The following VPS26B variants were observed in gnomAD, a reference collection of about 807,000 sequenced individuals.
The protein encoded by VPS26B is VPS26 retromer complex component B, also known as vacuolar protein sorting-associated protein 26B.
In VPS26B, 10 loss-of-function variants were observed where a neutral mutation model predicts 33.3. The observed-to-expected ratio is 0.30, with a 90% CI of 0.19 to 0.51. The LOEUF (loss-of-function observed/expected upper bound fraction) is 0.51, where lower values mean the gene tolerates loss of function less well. Among genes scored for constraint, VPS26B ranks in the 20% least tolerant of loss-of-function variants. The pLI is 0.98. For missense variants in VPS26B, 317 were observed against 452.7 expected, an observed-to-expected ratio of 0.70 and a Z score of 2.72; for synonymous variants, 190 against 176.9, an observed-to-expected ratio of 1.07 and a Z score of -0.59.
Position 134,243,218 on chromosome 11 carries a change from G to A in VPS26B, c.645G>A (p.Thr215=), listed in dbSNP as rs543525027. 8.1e-6 allele frequency: 13 copies of A among 1,614,092 alleles called. No individual in the cohort carries two copies. Among genetic ancestry groups the A allele is most frequent in the South Asian group, 4.4e-5 (4 of 91,076 alleles). The change falls in exon 4 of 6, where the codon ACG becomes ACA. Residue 215 remains threonine, a synonymous_variant. Coordinates refer to ENST00000281187, the MANE Select transcript of VPS26B (RefSeq NM_052875.5). The part of the protein sequence containing the change: ...MEIDIIKRET[T]GTGPNVYHEN... ...TAGACATCATCAAGCGAGAAACGAC[G>A]GGTACAGGCCCCAACGTGTACCATG... is the stretch of plus-strand genomic sequence containing the variant.
chr11:134,236,283 C>G (rs1938631599), intron 2 of VPS26B: 1 of 152,164 alleles, frequency 6.6e-6, no homozygotes, highest in Non-Finnish European at 1.5e-5. Context: ...CGAGGATCAT[C>G]TAGTCATCAC....
intron 1 of VPS26B, among the ~76,000 whole-genome samples, chr11:134,228,063 C>T (rs1293223361): frequency 2.0e-5 from 3 of 152,210 alleles, no homozygotes; most frequent in Admixed American, 6.5e-5. Context: ...TCCATGGTTA[C>T]GTGAGGACAT....
intron 1 of VPS26B, among the ~76,000 whole-genome samples, chr11:134,234,045 C>G (rs532427776): frequency 4.6e-5 from 7 of 152,246 alleles, no homozygotes; most frequent in African/African-American, 1.4e-4. Flanking sequence ...TTCTCAGGCC[C>G]CATCCCAGAC....
In VPS26B at chr11:134,240,309, T is replaced by C. The variant is rs1938697268; in HGVS notation, c.545+154T>C. 6.6e-6 allele frequency among the ~76,000 whole-genome samples: 1 copy of C among 152,208 alleles called. No individual in the cohort carries two copies. Among genetic ancestry groups the C allele is most frequent in the Non-Finnish European group, 1.5e-5 (1 of 68,040 alleles). On this transcript the variant is annotated intron_variant, in intron 3 of 5. Transcript: ENST00000281187. The surrounding 1 kb of genome is among the most constrained non-coding windows in gnomAD (Gnocchi z 4.4). ...GTGGGAGCAATCCAGTGAGTGTCTA[T>C]GGCAGGCCAGCTGCAGCTGGACCGA...
At chr11:134,243,533 A>C in intron 4 of VPS26B, 1 of 539,458 alleles carries the variant, frequency 1.9e-6, no homozygotes, top group African/African-American at 1.9e-5. Context: ...CTTGGATTAT[A>C]TATCGGGCTT....
At chr11:134,235,136 A>G (rs1259022) in intron 2 of VPS26B, 83 bp downstream of exon 2, 1,177,050 of 1,500,804 alleles carry the variant, frequency 0.78, 462,471 homozygotes, top group Admixed American at 0.85. Flanking sequence ...CCACTTTGAG[A>G]ATCTTCACAG....
At chr11:134,238,626 C>T (rs949978832) in intron 2 of VPS26B, among the ~76,000 whole-genome samples, 4 of 152,268 alleles carry the variant, frequency 2.6e-5, no homozygotes, top group East Asian at 1.9e-4. Flanking sequence ...GACGGAGTCT[C>T]GCTCTGTTGC....
At chr11:134,232,348 G>A (rs1237775338) in intron 1 of VPS26B, among the ~76,000 whole-genome samples, 2 of 152,194 alleles carry the variant, frequency 1.3e-5, no homozygotes, top group Admixed American at 6.5e-5. Flanking sequence ...AGGAAGCATC[G>A]CTGTGTCTGC....
intron 3 of VPS26B, 88 bp from the exon 4 acceptor site, chr11:134,243,031 C>A (rs770330111): frequency 6.6e-6 from 9 of 1,362,108 alleles, no homozygotes; most frequent in Non-Finnish European, 9.3e-6. Context: ...TTAACCAGCA[C>A]GCTTGGCCGT....
At position 134,245,496 on chromosome 11, in the gene VPS26B, A is replaced by G. The variant is rs764547459; in HGVS notation, c.917A>G (p.Gln306Arg). ...ATCGTACGGAAGAGCATGTCCCACCAGGCGGCCATCGCCTCACAGCGCTTT... is the reference window on the plus strand; with the variant it reads ...ATCGTACGGAAGAGCATGTCCCACCGGGCGGCCATCGCCTCACAGCGCTTT... The part of the protein sequence containing the change: ...GDIVRKSMSH[Q>R]AAIASQRFEG... The change falls in exon 6 of 6, where the codon CAG becomes CGG. Residue 306 changes from glutamine to arginine, a missense_variant. Gln to Arg is a conservative substitution (Grantham distance 43). Transcript: ENST00000281187. The surrounding 1 kb of genome is among the most constrained non-coding windows in gnomAD (Gnocchi z 4.7). The G allele has an allele frequency of 6.2e-6, 10 of 1,613,840 alleles. No individual in the cohort carries two copies. Among genetic ancestry groups the G allele is most frequent in the Non-Finnish European group, 7.6e-6 (9 of 1,179,912 alleles).
At position 134,225,202 on chromosome 11, in the gene VPS26B, A is replaced by C. The variant is rs1364775676; in HGVS notation, c.80A>C (p.His27Pro). The C allele has an allele frequency of 1.2e-6, 2 of 1,614,146 alleles. No individual in the cohort carries two copies. The highest frequency in any genetic ancestry group is 2.7e-5 in the African/African-American group (2 of 75,068). The change falls in exon 1 of 6, where the codon CAC becomes CCC. Residue 27 changes from histidine to proline, a missense_variant. Coordinates refer to ENST00000281187, the MANE Select transcript of VPS26B (RefSeq NM_052875.5). ...GCAGAGAGTAGGAAGCGGGCCGAGC[A>C]CAAGACGGAGGACGGGAAGAAGGAG... The part of the protein sequence containing the change: ...NDAESRKRAE[H>P]KTEDGKKEKY...
intron 4 of VPS26B, 137 bp downstream of exon 4, chr11:134,243,431 C>A: frequency 2.8e-6 from 3 of 1,086,666 alleles, no homozygotes; most frequent in East Asian, 2.6e-5. Context: ...TCTCAGTTTA[C>A]ACCGTGGGTG....
chr11:134,229,570 A>G (rs1938529696), intron 1 of VPS26B, among the ~76,000 whole-genome samples: 1 of 152,162 alleles, frequency 6.6e-6, no homozygotes, highest in Non-Finnish European at 1.5e-5. Flanking sequence ...GAAATCTAGA[A>G]GTCATTTTGA....
At chr11:134,226,158 T>C (rs1181584873) in intron 1 of VPS26B, among the ~76,000 whole-genome samples, 2 of 152,282 alleles carry the variant, frequency 1.3e-5, no homozygotes, top group East Asian at 3.9e-4. Flanking sequence ...CCCAGCACTT[T>C]GAGAGGCTGA....
At chr11:134,230,012 C>G (rs1467936180) in intron 1 of VPS26B, among the ~76,000 whole-genome samples, 2 of 152,162 alleles carry the variant, frequency 1.3e-5, no homozygotes, top group Non-Finnish European at 2.9e-5. Context: ...CAAGATATAA[C>G]CTTCCACCCA....
At chr11:134,238,153 C>A (rs1271586073) in intron 2 of VPS26B, among the ~76,000 whole-genome samples, 1 of 152,076 alleles carries the variant, frequency 6.6e-6, no homozygotes, top group Non-Finnish European at 1.5e-5. Flanking sequence ...ATCAGGTGTG[C>A]CCAGGCAGCA....
chr11:134,245,252 C>T lies in VPS26B; in HGVS notation c.864+172C>T, dbSNP rs1291470487. On this transcript the variant is annotated intron_variant, in intron 5 of 5. Coordinates refer to ENST00000281187, the MANE Select transcript of VPS26B (RefSeq NM_052875.5). This position sits in a 1 kb window ranked among gnomAD's most constrained non-coding sequence, Gnocchi z 4.7. ...GGCCTTAGAGTCTGCTTCCTCGGGC[C>T]TTCTCCTGCAACCACCTGCCCTTTT... 6.6e-6 allele frequency among the ~76,000 whole-genome samples: 1 copy of T among 152,196 alleles called. No individual in the cohort carries two copies. The highest frequency in any genetic ancestry group is 2.4e-5 in the African/African-American group (1 of 41,454).
Position 134,240,378 on chromosome 11 carries a change from A to G in VPS26B, c.545+223A>G, listed in dbSNP as rs1005834036. On this transcript the variant is annotated intron_variant, in intron 3 of 5. Coordinates refer to ENST00000281187, the MANE Select transcript of VPS26B (RefSeq NM_052875.5). The surrounding 1 kb of genome is among the most constrained non-coding windows in gnomAD (Gnocchi z 4.4). ...ATTTACCTAAACTAAACCATATTCA[A>G]CTAAGGTGGTGTCTTTAAGTTAAAC... is the stretch of plus-strand genomic sequence containing the variant. 7.9e-5 allele frequency among the ~76,000 whole-genome samples: 12 copies of G among 152,142 alleles called. No individual in the cohort carries two copies. The highest frequency in any genetic ancestry group is 2.0e-4 in the Admixed American group (3 of 15,282).
At chr11:134,242,920 G>A (rs536985272) in intron 3 of VPS26B, among the ~76,000 whole-genome samples, 199 bp from the exon 4 acceptor site, 1 of 152,350 alleles carries the variant, frequency 6.6e-6, no homozygotes, top group South Asian at 2.1e-4. Flanking sequence ...GGATGTGGAA[G>A]GGACAGAAGC....
Sources: gnomAD v4.1 joint callset for allele counts (sites outside exome capture counted in the v4.1 genomes callset) on GRCh38, gnomAD v4.1.1 for gene constraint, Gnocchi (gnomAD v3.1) non-coding constraint, MANE v1.5 for transcripts, NCBI Gene and HGNC (gene_info 2026-07-23, HGNC 2026-07-21) for gene names.